WDPCP: variants seen among roughly 807,000 people sequenced by gnomAD.
WDPCP encodes WD repeat-containing and planar cell polarity effector protein fritz homolog.
In WDPCP, 71 loss-of-function variants were observed where a neutral mutation model predicts 93.1. That is an observed-to-expected ratio of 0.76 (90% CI 0.63 to 0.93). The LOEUF is 0.93. WDPCP is among the 40% of genes least tolerant of loss of function. WDPCP has a pLI of 0.00. For synonymous variants in WDPCP, 315 were observed against 315.0 expected, an observed-to-expected ratio of 1.00 and a Z score of 0.00; for missense variants, 844 against 887.4, an observed-to-expected ratio of 0.95 and a Z score of 0.62.
At chr2:63,357,340 C>A (rs1201216483) in intron 12 of WDPCP, among the ~76,000 whole-genome samples, 1 of 151,892 alleles carries the variant, frequency 6.6e-6, no homozygotes, top group Non-Finnish European at 1.5e-5. Flanking sequence ...ACAACTTACA[C>A]AATAGGAGAA....
intron 13 of WDPCP, among the ~76,000 whole-genome samples, chr2:63,302,091 T>A (rs1257764279): frequency 2.6e-5 from 4 of 152,174 alleles, no homozygotes; most frequent in Non-Finnish European, 5.9e-5. Context: ...CCCTTCAAGT[T>A]CCCTTGTCAT....
At chr2:63,390,551 G>A (rs1452516999) in intron 10 of WDPCP, among the ~76,000 whole-genome samples, 2 of 152,092 alleles carry the variant, frequency 1.3e-5, no homozygotes, top group Non-Finnish European at 2.9e-5. Flanking sequence ...ACTAAGATCA[G>A]AGCAGAACTG....
chr2:63,643,070 T>C (rs1017671094), intron 3 of WDPCP: 6 of 153,680 alleles, frequency 3.9e-5, no homozygotes, highest in Non-Finnish European at 7.2e-5. Context: ...TTTTTTGGCA[T>C]CTGTTGAAAT....
chr2:63,649,130 CA>C (rs1710082782), intron 3 of WDPCP, among the ~76,000 whole-genome samples: 1 of 152,156 alleles, frequency 6.6e-6, no homozygotes, highest in Non-Finnish European at 1.5e-5. Flanking sequence ...ACTTCTAGAA[CA>C]TTCCCATCAC....
At chr2:63,517,235 A>G (rs1702615025) in intron 1 of WDPCP, among the ~76,000 whole-genome samples, 1 of 151,918 alleles carries the variant, frequency 6.6e-6, no homozygotes, top group African/African-American at 2.4e-5. Flanking sequence ...ACACTTTTAT[A>G]TGTTCATATA....
chr2:63,478,651 T>C (rs1700097799), intron 6 of WDPCP, among the ~76,000 whole-genome samples: 1 of 152,120 alleles, frequency 6.6e-6, no homozygotes, highest in African/African-American at 2.4e-5. Flanking sequence ...TGACTCAGCC[T>C]ATCAAAACCT....
intron 3 of WDPCP, among the ~76,000 whole-genome samples, chr2:63,618,171 C>T (rs964987241): frequency 2.0e-5 from 3 of 152,146 alleles, no homozygotes; most frequent in African/African-American, 7.2e-5. Context: ...TTCTTTTCTG[C>T]TCAAATATCA....
intron 2 of WDPCP, among the ~76,000 whole-genome samples, chr2:63,680,516 A>C (rs1176352483): frequency 1.3e-5 from 2 of 152,224 alleles, no homozygotes; most frequent in African/African-American, 4.8e-5. Flanking sequence ...CCTGGCCAGA[A>C]GGGAATCACC....
chr2:63,378,258 G>T, intron 12 of WDPCP, 128 bp downstream of exon 12: 1 of 1,186,516 alleles, frequency 8.4e-7, no homozygotes, highest in Non-Finnish European at 1.2e-6. Context: ...AAAAGAAGAT[G>T]TATATTTCTT....
intron 3 of WDPCP, among the ~76,000 whole-genome samples, chr2:63,596,388 G>GC (rs751368423): frequency 6.6e-6 from 1 of 152,162 alleles, no homozygotes; most frequent in Non-Finnish European, 1.5e-5. Context: ...ATACATGACT[G>GC]CCCACACTAT....
chr2:63,782,147 A>G (rs979275242), intron 2 of WDPCP, among the ~76,000 whole-genome samples: 2 of 152,132 alleles, frequency 1.3e-5, no homozygotes, highest in African/African-American at 4.8e-5. Context: ...ATCTCGCACC[A>G]TATTAAAAAA....
chr2:63,491,751 T>A (rs1171039545), intron 2 of WDPCP, among the ~76,000 whole-genome samples: 1 of 152,212 alleles, frequency 6.6e-6, no homozygotes, highest in African/African-American at 2.4e-5. Context: ...CCCTTTACTG[T>A]CACTCTGATG....
intron 6 of WDPCP, among the ~76,000 whole-genome samples, chr2:63,474,720 T>C (rs1667401248): frequency 6.6e-6 from 1 of 152,154 alleles, no homozygotes; most frequent in Non-Finnish European, 1.5e-5. Context: ...AATTCATTAG[T>C]TCAGTGTTGG....
chr2:63,230,190 G>T (rs1014155198), intron 14 of WDPCP, among the ~76,000 whole-genome samples: 3 of 150,416 alleles, frequency 2.0e-5, no homozygotes, highest in African/African-American at 7.4e-5. Context: ...GCAGTGTTTG[G>T]TTTTCTGTCC....
chr2:63,125,757 C>A (rs961299809), intron 17 of WDPCP, among the ~76,000 whole-genome samples: 1 of 152,020 alleles, frequency 6.6e-6, no homozygotes, highest in Non-Finnish European at 1.5e-5. Flanking sequence ...TACAGGCGCA[C>A]GTCACCACAT....
intron 13 of WDPCP, among the ~76,000 whole-genome samples, chr2:63,299,647 A>C (rs924078905): frequency 6.6e-5 from 10 of 152,188 alleles, no homozygotes; most frequent in African/African-American, 2.4e-4. Flanking sequence ...TACGGGGTGC[A>C]TACGAGCCTC....
chr2:63,577,124 T>A (rs1010769903), intron 1 of WDPCP, among the ~76,000 whole-genome samples: 10 of 152,240 alleles, frequency 6.6e-5, no homozygotes, highest in Non-Finnish European at 1.2e-4. Flanking sequence ...TTCAACTTTT[T>A]ATATTTAATC....
Position 63,122,053 on chromosome 2 carries a change from T to C in WDPCP, c.2194A>G (p.Ile732Val), listed in dbSNP as rs1313129799. The C allele has an allele frequency of 6.2e-7, 1 of 1,607,774 alleles. No individual in the cohort carries two copies. Among genetic ancestry groups the C allele is most frequent in the South Asian group, 1.1e-5 (1 of 90,844 alleles). Residue 732 changes from isoleucine (I) to valine (V), a missense_variant, in exon 18 of 18, where the codon ATC becomes GTC. Transcript: ENST00000272321. ...ELREDGREQE[I>V]RDGGSLKMIH... ...ATTTTGAGAGAACCACCATCTCTGATTTCCTGCAAATAAACAAATAAAAAT... is the reference window on the plus strand; with the variant it reads ...ATTTTGAGAGAACCACCATCTCTGACTTCCTGCAAATAAACAAATAAAAAT...
chr2:63,494,245 AAAG>A (rs1364726507), intron 1 of WDPCP, among the ~76,000 whole-genome samples: 1 of 151,748 alleles, frequency 6.6e-6, no homozygotes, highest in African/African-American at 2.4e-5. Context: ...GTGGGTCCTC[AAAG>A]AAGGATAAGA....
Sources: gnomAD v4.1 joint callset for allele counts (sites outside exome capture counted in the v4.1 genomes callset) on GRCh38, gnomAD v4.1.1 for gene constraint, MANE v1.5 for transcripts, NCBI Gene and HGNC (gene_info 2026-07-23, HGNC 2026-07-21) for gene names.